Variants in CMTM3 observed in about 807,000 individuals in gnomAD.
The protein encoded by CMTM3 is CKLF-like MARVEL transmembrane domain-containing protein 3.
Under a neutral mutation model 18.2 loss-of-function variants are expected in CMTM3, and 7 were observed. The ratio of observed to expected loss-of-function variants is 0.38; its 90% CI spans 0.22 to 0.72. The LOEUF (loss-of-function observed/expected upper bound fraction) is 0.72, where lower values mean the gene tolerates loss of function less well. Among genes scored for constraint, CMTM3 ranks in the 30% least tolerant of loss-of-function variants. The pLI is 0.46. For synonymous variants in CMTM3, 109 were observed against 111.2 expected (o/e 0.98, Z 0.12); for missense variants, 227 against 249.2 (o/e 0.91, Z 0.60).
Position 66,605,979 on chromosome 16 carries a change from T to C in CMTM3, c.147+1027T>C, listed in dbSNP as rs1325953901. Among the ~76,000 whole-genome samples, 1 of 151,756 alleles carries C rather than the reference T, an allele frequency of 6.6e-6. No individual in the cohort carries two copies. Among genetic ancestry groups the C allele is most frequent in the African/African-American group, 2.4e-5 (1 of 41,258 alleles). ...CACCCTGGAGACCACTGGGAGCCAC[T>C]TGAGGGGAGAAGCCTCGAATCCACC... On this transcript the variant is annotated intron_variant, in intron 1 of 4. Transcript: ENST00000567572. This position sits in a 1 kb window ranked among gnomAD's most constrained non-coding sequence, Gnocchi z 4.6.
rs764685935 is a variant in CMTM3, at chr16:66,604,884, C to T, written c.79C>T (p.Leu27Phe). The T allele has an allele frequency of 7.0e-7, 1 of 1,431,812 alleles. No homozygotes were observed. Among genetic ancestry groups the T allele is most frequent in the Non-Finnish European group, 9.1e-7 (1 of 1,096,964 alleles). The allele number at this position is 1,431,812 out of a possible 1,614,324, so 88.7% of individuals were successfully genotyped here. ...CCGTCCCGGCCCCGCGGTCCCCGGG[C>T]TCCGCGCCCTGCTGCCGGCGCGGGC... is the stretch of plus-strand genomic sequence containing the variant. ...GSRPGPAVPGLRALLPARAFL... is the reference protein window; with the variant it reads ...GSRPGPAVPGFRALLPARAFL... The change falls in exon 1 of 5, where the codon CTC (leucine) becomes TTC (phenylalanine). Residue 27 changes from leucine to phenylalanine, a missense_variant. Transcript: ENST00000567572.
At position 66,609,875 on chromosome 16, in the gene CMTM3, G is replaced by A. The variant is rs151239168; in HGVS notation, c.400-8G>A. 10,735 of 1,614,142 alleles carry A rather than the reference G, an allele frequency of 6.7e-3. 55 individuals carry two copies. The highest frequency in any genetic ancestry group is 8.2e-3 in the Non-Finnish European group (9,653 of 1,180,018). On this transcript the variant is annotated splice_polypyrimidine_tract_variant and splice_region_variant and intron_variant, in intron 3 of 4. Coordinates refer to ENST00000567572, the MANE Select transcript of CMTM3 (RefSeq NM_181553.4). This position sits in a 1 kb window ranked among gnomAD's most constrained non-coding sequence, Gnocchi z 4.4. ...CCCTGTGATGCATCCCATCCACCCTGTCCACAGGTGTTTGGCTTCTTTGCT... is the reference window on the plus strand; with the variant it reads ...CCCTGTGATGCATCCCATCCACCCTATCCACAGGTGTTTGGCTTCTTTGCT...
chr16:66,611,793 G>A (rs1431223416), intron 4 of CMTM3, among the ~76,000 whole-genome samples: 1 of 152,114 alleles, frequency 6.6e-6, no homozygotes, highest in Non-Finnish European at 1.5e-5. Context: ...TCATAGGCAG[G>A]CCCTTACCAT....
Position 66,609,622 on chromosome 16 carries a change from G to C in CMTM3, c.399+92G>C, listed in dbSNP as rs2015297130. 33 of 1,516,304 alleles carry C rather than the reference G, an allele frequency of 2.2e-5. No individual in the cohort carries two copies. The South Asian group carries it at 3.7e-4, about 17-fold the overall frequency. 93.9% of individuals were successfully genotyped at this position (1,516,304 alleles called of 1,614,324 possible). On this transcript the variant is annotated intron_variant, in intron 3 of 4. Coordinates refer to ENST00000567572, the MANE Select transcript of CMTM3 (RefSeq NM_181553.4). This position sits in a 1 kb window ranked among gnomAD's most constrained non-coding sequence, Gnocchi z 4.4. ...CTGGGGCAGAGCCTTTCCCTGCTGGGGCCCCCCTGGGGTCTCATGTGGGTC... is the reference window on the plus strand; with the variant it reads ...CTGGGGCAGAGCCTTTCCCTGCTGGCGCCCCCCTGGGGTCTCATGTGGGTC...
In CMTM3 at chr16:66,611,952, C is replaced by A. The variant is rs531845500; in HGVS notation, c.521-657C>A. Reference sequence around the variant, plus strand: ...GCTGTCCTCACCTTGTCCTGCTGAACCTGGGGGTGGGGGTAGAGCTGGAAT... The same window carrying A: ...GCTGTCCTCACCTTGTCCTGCTGAAACTGGGGGTGGGGGTAGAGCTGGAAT... On this transcript the variant is annotated intron_variant, in intron 4 of 4. Transcript: ENST00000567572. Among the ~76,000 whole-genome samples the A allele has an allele frequency of 2.0e-5, 3 of 151,972 alleles. No homozygotes were observed. The South Asian group carries it at 6.2e-4, about 32-fold the overall frequency.
rs561323748 is a variant in CMTM3, at chr16:66,608,045, C to A, written c.148-264C>A. On this transcript the variant is annotated intron_variant, in intron 1 of 4. Transcript: ENST00000567572. This position sits in a 1 kb window ranked among gnomAD's most constrained non-coding sequence, Gnocchi z 5.1. Reference sequence around the variant, plus strand: ...ATATTTTGCCGAGATGAGGTTTTGCCATGTTGCCCAAGCTGGGGTCAAATT... The same window carrying A: ...ATATTTTGCCGAGATGAGGTTTTGCAATGTTGCCCAAGCTGGGGTCAAATT... 3.3e-5 allele frequency among the ~76,000 whole-genome samples: 5 copies of A among 152,228 alleles called. No individual in the cohort carries two copies. In the East Asian group the frequency reaches 9.7e-4, roughly 29 times the overall value.
Position 66,611,163 on chromosome 16 carries a change from A to C in CMTM3, c.520+1160A>C, listed in dbSNP as rs114225303. On this transcript the variant is annotated intron_variant, in intron 4 of 4. Transcript: ENST00000567572. ...ATTCTTGACTTATATGTTAGAATTGAATATAGCAGCCAGGCACAGTGGCTC... is the reference window on the plus strand; with the variant it reads ...ATTCTTGACTTATATGTTAGAATTGCATATAGCAGCCAGGCACAGTGGCTC... 735 of 288,870 alleles carry C rather than the reference A, an allele frequency of 2.5e-3. 6 individuals carry two copies. Among genetic ancestry groups the C allele is most frequent in the African/African-American group, 0.015 (697 of 46,226 alleles). 17.9% of individuals were successfully genotyped at this position (288,870 alleles called of 1,614,324 possible). A position where few individuals can be genotyped will look rare whatever the true frequency, so the allele number is the denominator to read the frequency against.
In CMTM3 at chr16:66,604,706, T is replaced by A. The variant is rs1054437957; in HGVS notation, c.-100T>A. 2.1e-6 allele frequency: 2 copies of A among 944,190 alleles called. No homozygotes were observed. Among genetic ancestry groups the A allele is most frequent in the Non-Finnish European group, 2.7e-6 (2 of 735,862 alleles). 58.5% of individuals were successfully genotyped at this position (944,190 alleles called of 1,614,324 possible). A position where few individuals can be genotyped will look rare whatever the true frequency, so the allele number is the denominator to read the frequency against. On this transcript the variant is annotated 5_prime_UTR_variant, in exon 1 of 5. Transcript: ENST00000567572. ...GGGGATGCGCCCCTGCGCGAGCCAG[T>A]GTCGCCTGCCCTCCTTCCGCACAGC...
At chr16:66,606,759 G>A (rs567533950) in intron 1 of CMTM3, among the ~76,000 whole-genome samples, 7 of 152,300 alleles carry the variant, frequency 4.6e-5, no homozygotes, top group Admixed American at 2.6e-4. Context: ...TTAGGAGGCC[G>A]AGGTGGGTGG....
chr16:66,606,366 C>T (rs1032089874), intron 1 of CMTM3, among the ~76,000 whole-genome samples: 26 of 152,114 alleles, frequency 1.7e-4, no homozygotes, highest in Admixed American at 5.9e-4. Context: ...AGGGGAGGGC[C>T]AGAGCTGGGT....
At chr16:66,604,153 C>G (rs974693291), upstream of CMTM3, 1 of 151,984 alleles carries the variant, frequency 6.6e-6, no homozygotes, top group Non-Finnish European at 1.5e-5. Flanking sequence ...GTGTGTGTGT[C>G]TGTGTGTGTG....
chr16:66,606,272 C>G (rs2015149089), intron 1 of CMTM3, among the ~76,000 whole-genome samples: 1 of 151,972 alleles, frequency 6.6e-6, no homozygotes, highest in African/African-American at 2.4e-5. Flanking sequence ...AGGAAGTGGC[C>G]CCAGAAATCG....
In CMTM3 at chr16:66,608,081, A is replaced by G. The variant is rs117251714; in HGVS notation, c.148-228A>G. Reference sequence around the variant, plus strand: ...AGCTGGGGTCAAATTTCTGGGCTCAAGCAATCCACCTGCCTGGGCCTCTCA... The same window carrying G: ...AGCTGGGGTCAAATTTCTGGGCTCAGGCAATCCACCTGCCTGGGCCTCTCA... On this transcript the variant is annotated intron_variant, in intron 1 of 4. Coordinates refer to ENST00000567572, the MANE Select transcript of CMTM3 (RefSeq NM_181553.4). The surrounding 1 kb of genome is among the most constrained non-coding windows in gnomAD (Gnocchi z 5.1). 1.3e-5 allele frequency among the ~76,000 whole-genome samples: 2 copies of G among 152,136 alleles called. No homozygotes were observed. Among genetic ancestry groups the G allele is most frequent in the African/African-American group, 2.4e-5 (1 of 41,426 alleles).
At chr16:66,611,946 G>A (rs355941) in intron 4 of CMTM3, among the ~76,000 whole-genome samples, 7,392 of 151,988 alleles carry the variant, frequency 0.049, 293 homozygotes, top group Admixed American at 0.11. Context: ...ACCTTGTCCT[G>A]CTGAACCTGG....
In CMTM3 at chr16:66,612,625, G is replaced by A. The variant is rs140558979; in HGVS notation, c.537G>A (p.Ser179=). ...TCCTTTCAGAAGAGAATTCCGACTC[G>A]GACTCTGACTGAAGGCCTGGCGGGT... ...AHKTEEENSD[S]DSD The change falls in exon 5 of 5, where the codon TCG becomes TCA. Residue 179 remains serine (S), a synonymous_variant. Transcript: ENST00000567572. This position sits in a 1 kb window ranked among gnomAD's most constrained non-coding sequence, Gnocchi z 6.0. 31 of 1,613,960 alleles carry A rather than the reference G, an allele frequency of 1.9e-5. No individual in the cohort carries two copies. The highest frequency in any genetic ancestry group is 1.1e-4 in the South Asian group (10 of 91,044).
In CMTM3 at chr16:66,608,337, A is replaced by T. The variant is rs1194340169; in HGVS notation, c.176A>T (p.Tyr59Phe). Reference sequence around the variant, plus strand: ...CTCTCATTCATCACTTTTATCTGCTATGTGGCGTCCTCAGCATCTGCCTTC... The same window carrying T: ...CTCTCATTCATCACTTTTATCTGCTTTGTGGCGTCCTCAGCATCTGCCTTC... ...SGLSFITFICYVASSASAFLT... is the reference protein window; with the variant it reads ...SGLSFITFICFVASSASAFLT... The change falls in exon 2 of 5, where the codon TAT becomes TTT. Residue 59 changes from tyrosine (Y) to phenylalanine (F), a missense_variant. Coordinates refer to ENST00000567572, the MANE Select transcript of CMTM3 (RefSeq NM_181553.4). The surrounding 1 kb of genome is among the most constrained non-coding windows in gnomAD (Gnocchi z 5.1). 1.9e-6 allele frequency: 3 copies of T among 1,614,174 alleles called. No individual in the cohort carries two copies.
At position 66,612,675 on chromosome 16, in the gene CMTM3, G is replaced by T; in HGVS notation, c.*38G>T. 1 of 1,609,506 alleles carries T rather than the reference G, an allele frequency of 6.2e-7. No individual in the cohort carries two copies. Among genetic ancestry groups the T allele is most frequent in the Non-Finnish European group, 8.5e-7 (1 of 1,176,450 alleles). ...TGCCTTGGCAACCTGAGCCACACAG[G>T]CCTCCACCCCTGCGCCTCACAGGGG... On this transcript the variant is annotated 3_prime_UTR_variant, in exon 5 of 5. Transcript: ENST00000567572. The surrounding 1 kb of genome is among the most constrained non-coding windows in gnomAD (Gnocchi z 6.0).
Position 66,605,234 on chromosome 16 carries a change from C to A in CMTM3, c.147+282C>A. ...TGGGTGGGGCCCGGGGATGTGGGTC[C>A]TGCTGTGTGAGCCAGGCGCCCCCGC... On this transcript the variant is annotated intron_variant, in intron 1 of 4. Coordinates refer to ENST00000567572, the MANE Select transcript of CMTM3 (RefSeq NM_181553.4). The surrounding 1 kb of genome is among the most constrained non-coding windows in gnomAD (Gnocchi z 4.6). The A allele has an allele frequency of 3.2e-6, 1 of 309,788 alleles. No individual in the cohort carries two copies. Among genetic ancestry groups the A allele is most frequent in the Non-Finnish European group, 5.9e-6 (1 of 168,244 alleles). 19.2% of individuals were successfully genotyped at this position (309,788 alleles called of 1,614,324 possible). A position where few individuals can be genotyped will look rare whatever the true frequency, so the allele number is the denominator to read the frequency against.
chr16:66,612,550 G>A lies in CMTM3; in HGVS notation c.521-59G>A, dbSNP rs373217734. On this transcript the variant is annotated intron_variant, in intron 4 of 4. Coordinates refer to ENST00000567572, the MANE Select transcript of CMTM3 (RefSeq NM_181553.4). This position sits in a 1 kb window ranked among gnomAD's most constrained non-coding sequence, Gnocchi z 6.0. ...ACCCAGCTGTGCTTCCCCAGAGACC[G>A]TTCCCAGGCACCGCTGCCCTGAGCC... The A allele has an allele frequency of 1.9e-4, 295 of 1,583,942 alleles. No individual in the cohort carries two copies. Among genetic ancestry groups the A allele is most frequent in the African/African-American group, 4.2e-4 (31 of 74,378 alleles).
Sources: gnomAD v4.1 joint callset for allele counts (sites outside exome capture counted in the v4.1 genomes callset) on GRCh38, gnomAD v4.1.1 for gene constraint, Gnocchi (gnomAD v3.1) non-coding constraint, MANE v1.5 for transcripts, NCBI Gene and HGNC (gene_info 2026-07-23, HGNC 2026-07-21) for gene names.